The following INF2 variants were observed in gnomAD, a reference collection of about 807,000 sequenced individuals.
INF2 encodes inverted formin-2.
A neutral mutation model predicts 123.5 loss-of-function variants in INF2; 43 were observed. That is an observed-to-expected ratio of 0.35 (90% CI 0.27 to 0.45). The LOEUF (loss-of-function observed/expected upper bound fraction) is 0.45, where lower values mean the gene tolerates loss of function less well. Ranked by LOEUF, INF2 falls within the 20% of genes least tolerant of loss-of-function variation. The pLI is 1.00. For synonymous variants in INF2, 851 were observed against 745.0 expected (o/e 1.14, Z -2.32); for missense variants, 1,453 against 1,682.7 (o/e 0.86, Z 2.39).
upstream of INF2, among the ~76,000 whole-genome samples, chr14:104,688,501 G>A (rs540091590): frequency 1.3e-5 from 2 of 152,236 alleles, no homozygotes; most frequent in African/African-American, 4.8e-5. Context: ...CAGGCCCTCC[G>A]GAGAGAGATG....
At position 104,709,616 on chromosome 14, in the gene INF2, G is replaced by T. The variant is rs1190277831; in HGVS notation, c.2053-4G>T. 1 of 1,612,012 alleles carries T rather than the reference G, an allele frequency of 6.2e-7. No homozygotes were observed. Among genetic ancestry groups the T allele is most frequent in the Non-Finnish European group, 8.5e-7 (1 of 1,179,348 alleles). On this transcript the variant is annotated splice_polypyrimidine_tract_variant and splice_region_variant and intron_variant, in intron 11 of 22. Transcript: ENST00000392634. The stretch of plus-strand genomic sequence containing the variant: ...GATCCCACATGCCGTTCTCCTCCTG[G>T]CAGATTGAAAACCTGCGGGCATTCA...
chr14:104,704,032 C>T (rs1889662089), intron 5 of INF2, 83 bp downstream of exon 5: 2 of 1,595,412 alleles, frequency 1.3e-6, no homozygotes, highest in African/African-American at 2.7e-5. Context: ...TCCCAGCCAC[C>T]TCACCTAAGC....
chr14:104,714,897 G>A (rs778629153), intron 21 of INF2, 41 bp downstream of exon 21: 51 of 1,483,232 alleles, frequency 3.4e-5, no homozygotes, highest in Non-Finnish European at 3.8e-5. Context: ...CCACGCCAGG[G>A]CGCTGGCACC....
At chr14:104,709,853 T>C in intron 12 of INF2, 148 bp downstream of exon 12, 1 of 760,002 alleles carries the variant, frequency 1.3e-6, no homozygotes, top group Non-Finnish European at 2.2e-6. Flanking sequence ...GTTGGGCTTC[T>C]AAACATCACT....
Position 104,689,634 on chromosome 14 carries a change from C to A in INF2, c.-115C>A. 1 of 951,144 alleles carries A rather than the reference C, an allele frequency of 1.1e-6. No homozygotes were observed. The highest frequency in any genetic ancestry group is 1.3e-6 in the Non-Finnish European group (1 of 799,164). The allele number at this position is 951,144 out of a possible 1,614,324, so 58.9% of individuals were successfully genotyped here. ...CCCGCGCCCGCCAGGAGCCACCGTC[C>A]GAGCCTTGCGGAGCGCGGCAGTGGG... On this transcript the variant is annotated 5_prime_UTR_variant, in exon 1 of 23. Coordinates refer to ENST00000392634, the MANE Select transcript of INF2 (RefSeq NM_022489.4).
In INF2 at chr14:104,719,213, G is replaced by A; in HGVS notation, c.*420G>A. On this transcript the variant is annotated 3_prime_UTR_variant, in exon 23 of 23. Coordinates refer to ENST00000392634, the MANE Select transcript of INF2 (RefSeq NM_022489.4). ...TGCAAGTCTTTACTGCTTGGAGGTG[G>A]CTGAGTTGGGGGCCCTGGGCAGGGG... 5.5e-6 allele frequency: 1 copy of A among 182,834 alleles called. No individual in the cohort carries two copies. The allele number at this position is 182,834 out of a possible 1,614,324, so 11.3% of individuals were successfully genotyped here. A position where few individuals can be genotyped will look rare whatever the true frequency, so the allele number is the denominator to read the frequency against.
chr14:104,689,587 T>TCCAA, upstream of INF2: 5 of 851,062 alleles, frequency 5.9e-6, no homozygotes, highest in Non-Finnish European at 7.0e-6. Flanking sequence ...CACCTCCTCT[T>TCCAA]CCTCCCGCCC....
intron 21 of INF2, 66 bp from the exon 22 acceptor site, chr14:104,715,218 C>A (rs1890240579): frequency 3.3e-6 from 5 of 1,518,208 alleles, no homozygotes; most frequent in Non-Finnish European, 4.6e-6. Flanking sequence ...CCAGCCCCAC[C>A]CACTCCGAGT....
rs79333546 is a variant in INF2, at chr14:104,700,785, G to C, written c.-9-572G>C. The stretch of plus-strand genomic sequence containing the variant: ...CTACCCACATGCAGACGGGCAGACT[G>C]AGGCCCAGGGGAGACCTGGGAGTCG... On this transcript the variant is annotated intron_variant, in intron 1 of 22. Coordinates refer to ENST00000392634, the MANE Select transcript of INF2 (RefSeq NM_022489.4). The C allele has an allele frequency of 5.8e-4, 563 of 968,970 alleles. 2 individuals are homozygous for C. The African/African-American group carries it at 9.2e-3, about 16-fold the overall frequency. 60.0% of individuals were successfully genotyped at this position (968,970 alleles called of 1,614,324 possible).
Position 104,707,538 on chromosome 14 carries a change from C to CCCTGCTGCCTGGTATGGGCTGGGG in INF2, c.1273_1274insTGCTGCCTGGTATGGGCTGGGGCC (p.Pro424_Pro425insLeuLeuProGlyMetGlyTrpGly), listed in dbSNP as rs1889837806. The CCCTGCTGCCTGGTATGGGCTGGGG allele has an allele frequency of 8.1e-7, 1 of 1,235,754 alleles. No homozygotes were observed. Among genetic ancestry groups the CCCTGCTGCCTGGTATGGGCTGGGG allele is most frequent in the African/African-American group, 1.7e-5 (1 of 57,386 alleles). The allele number at this position is 1,235,754 out of a possible 1,614,324, so 76.5% of individuals were successfully genotyped here. On this transcript the variant is annotated inframe_insertion, in exon 8 of 23. Transcript: ENST00000392634. ...CAGCAGGCGTCCACCCCACCCCCAC[C>CCCTGCTGCCTGGTATGGGCTGGGG]CCCACCCCCACCCCTGCTCCCTGGT... is the stretch of plus-strand genomic sequence containing the variant.
chr14:104,718,687 G>C, intron 22 of INF2, 108 bp from the exon 23 acceptor site: 4 of 1,548,798 alleles, frequency 2.6e-6, no homozygotes, highest in Non-Finnish European at 3.5e-6. Context: ...ACAACCTGCT[G>C]GACAGTGGCG....
chr14:104,695,566 G>A (rs1245028829), intron 1 of INF2, among the ~76,000 whole-genome samples: 2 of 111,930 alleles, frequency 1.8e-5, no homozygotes, highest in Non-Finnish European at 3.9e-5. Flanking sequence ...CCCTTGCCTG[G>A]GCTGCGCTTG....
chr14:104,716,232 G>C (rs1013723605), intron 22 of INF2, among the ~76,000 whole-genome samples: 1 of 152,254 alleles, frequency 6.6e-6, no homozygotes, highest in African/African-American at 2.4e-5. Context: ...TGGGCCTGGG[G>C]CTTAGGCTCA....
rs1437881676 is a variant in INF2 at position 104,720,021 on chromosome 14, ATC to A, written c.*1233_*1234del. Reference sequence around the variant, plus strand: ...GTTTGTGCAATGATCCATTTTGAGAATCTCTCCGTCACCCCAAGAAGTCCTCT... The same window carrying A: ...GTTTGTGCAATGATCCATTTTGAGAATCTCCGTCACCCCAAGAAGTCCTCT... On this transcript the variant is annotated 3_prime_UTR_variant, in exon 23 of 23. Coordinates refer to ENST00000392634, the MANE Select transcript of INF2 (RefSeq NM_022489.4). 6.6e-6 allele frequency: 1 copy of A among 152,340 alleles called. No homozygotes were observed. The highest frequency in any genetic ancestry group is 2.4e-5 in the African/African-American group (1 of 41,392). The allele number at this position is 152,340 out of a possible 1,614,324, so 9.4% of individuals were successfully genotyped here. A position where few individuals can be genotyped will look rare whatever the true frequency, so the allele number is the denominator to read the frequency against.
chr14:104,700,942 G>A (rs772746892), intron 1 of INF2: 148 of 853,206 alleles, frequency 1.7e-4, no homozygotes, highest in Middle Eastern at 5.8e-4. Flanking sequence ...CCTCAGATGC[G>A]CCGTTTTGTC....
In INF2 at chr14:104,712,418, C is replaced by T; in HGVS notation, c.2490-15C>T. 4 of 1,612,270 alleles carry T rather than the reference C, an allele frequency of 2.5e-6. No individual in the cohort carries two copies. The highest frequency in any genetic ancestry group is 2.2e-5 in the East Asian group (1 of 44,870). ...CAGCCGTTGCTGTCTCTGCCCGGCC[C>T]TCCTCACCTTTCAGGATCAACCTGG... is the stretch of plus-strand genomic sequence containing the variant. On this transcript the variant is annotated splice_polypyrimidine_tract_variant and intron_variant, in intron 16 of 22. Transcript: ENST00000392634.
intron 1 of INF2, chr14:104,691,199 G>C (rs1290497966): frequency 6.6e-6 from 1 of 152,270 alleles, no homozygotes; most frequent in East Asian, 1.9e-4. Flanking sequence ...CGCACATGTG[G>C]GGACGTGGAA....
upstream of INF2, among the ~76,000 whole-genome samples, chr14:104,686,474 AGTGTGGGT>A (rs1566769006): frequency 6.6e-6 from 1 of 151,706 alleles, no homozygotes; most frequent in African/African-American, 2.4e-5. Flanking sequence ...AGACGGATGA[AGTGTGGGT>A]GTGTGTGGGA....
At chr14:104,713,044 G>GC in intron 18 of INF2, 52 bp downstream of exon 18, 1 of 1,609,500 alleles carries the variant, frequency 6.2e-7, no homozygotes, top group South Asian at 1.1e-5. Flanking sequence ...GGGTCCCGAG[G>GC]CCCCTGGCCT....
Sources: gnomAD v4.1 joint callset for allele counts (sites outside exome capture counted in the v4.1 genomes callset) on GRCh38, gnomAD v4.1.1 for gene constraint, MANE v1.5 for transcripts, NCBI Gene and HGNC (gene_info 2026-07-23, HGNC 2026-07-21) for gene names.